Variants in TMEM45A observed in about 807,000 individuals in gnomAD.
TMEM45A encodes the protein transmembrane protein 45A, also known as DNA polymerase-transactivated protein 4.
Under a neutral mutation model 32.0 loss-of-function variants are expected in TMEM45A, and 25 were observed. The observed-to-expected ratio is 0.78, with a 90% CI of 0.57 to 1.09. TMEM45A has a LOEUF of 1.09. Ranked by LOEUF, TMEM45A falls within the 50% of genes least tolerant of loss-of-function variation. The pLI is 0.00. For missense variants in TMEM45A, 302 were observed against 325.0 expected, an observed-to-expected ratio of 0.93 and a Z score of 0.54; for synonymous variants, 122 against 114.8, an observed-to-expected ratio of 1.06 and a Z score of -0.40.
rs111304229 is a variant in TMEM45A at position 100,547,402 on chromosome 3, A to G, written c.-3-7807A>G. ...CCCAAAGTGCTGGGATTACAGGTGT[A>G]AGCCACTGCACCTGGCCTATGTACT... On this transcript the variant is annotated intron_variant, in intron 1 of 5. Transcript: ENST00000323523. 5.5e-3 allele frequency among the ~76,000 whole-genome samples: 841 copies of G among 152,232 alleles called. 9 individuals are homozygous for G. Among genetic ancestry groups the G allele is most frequent in the African/African-American group, 0.019 (808 of 41,530 alleles).
At chr3:100,576,336 A>G (rs9814929) in intron 5 of TMEM45A, among the ~76,000 whole-genome samples, 2,075 of 152,272 alleles carry the variant, frequency 0.014, 44 homozygotes, top group African/African-American at 0.048. Context: ...CTGTAATTCC[A>G]GCTACTCAGG....
At chr3:100,507,961 C>T (rs1013634883) in intron 1 of TMEM45A, among the ~76,000 whole-genome samples, 7 of 150,550 alleles carry the variant, frequency 4.6e-5, no homozygotes, top group African/African-American at 9.8e-5. Flanking sequence ...TAGATAAGCA[C>T]GATGTCAAAT....
At chr3:100,500,623 A>G (rs1418884822) in intron 1 of TMEM45A, among the ~76,000 whole-genome samples, 1 of 152,184 alleles carries the variant, frequency 6.6e-6, no homozygotes, top group Non-Finnish European at 1.5e-5. Flanking sequence ...GAAGACAACA[A>G]ATCCTTTCCC....
At chr3:100,499,663 G>T (rs1707983935) in intron 1 of TMEM45A, among the ~76,000 whole-genome samples, 1 of 152,144 alleles carries the variant, frequency 6.6e-6, no homozygotes, top group Non-Finnish European at 1.5e-5. Flanking sequence ...GATCACTTGA[G>T]GCCAGGAGTT....
At chr3:100,551,199 G>C (rs960872855) in intron 1 of TMEM45A, among the ~76,000 whole-genome samples, 2 of 151,946 alleles carry the variant, frequency 1.3e-5, no homozygotes, top group African/African-American at 4.8e-5. Flanking sequence ...ATTTTTAGTG[G>C]AGACGGGGTT....
At chr3:100,539,128 C>T (rs1028080254) in intron 1 of TMEM45A, among the ~76,000 whole-genome samples, 1 of 151,976 alleles carries the variant, frequency 6.6e-6, no homozygotes, top group Non-Finnish European at 1.5e-5. Flanking sequence ...GACAAAGGAC[C>T]CAGAATACGC....
In TMEM45A at chr3:100,546,464, G is replaced by A. The variant is rs964023182; in HGVS notation, c.-3-8745G>A. Among the ~76,000 whole-genome samples the A allele has an allele frequency of 7.2e-5, 11 of 152,306 alleles. No homozygotes were observed. The East Asian group carries it at 2.1e-3, about 29-fold the overall frequency. On this transcript the variant is annotated intron_variant, in intron 1 of 5. Transcript: ENST00000323523. ...ATTGCTCACTGAGTTGAATTGTGAA[G>A]CAACATGTACCTTGGAACTACAGAA...
At chr3:100,519,665 C>G in intron 1 of TMEM45A, 1 of 1,513,866 alleles carries the variant, frequency 6.6e-7, no homozygotes, top group Non-Finnish European at 9.0e-7. Flanking sequence ...AGAGCAAGAA[C>G]TTTTGATTCA....
At chr3:100,559,787 T>C (rs141904787) in intron 4 of TMEM45A, among the ~76,000 whole-genome samples, 3,539 of 151,806 alleles carry the variant, frequency 0.023, 58 homozygotes, top group Non-Finnish European at 0.037. Context: ...TCCTGACACA[T>C]AGCAATGACA....
intron 1 of TMEM45A, among the ~76,000 whole-genome samples, chr3:100,495,919 CTCA>C (rs1234766535): frequency 1.3e-5 from 2 of 152,216 alleles, no homozygotes; most frequent in Admixed American, 1.3e-4. Context: ...GTAGCTCTTT[CTCA>C]TCCTGCTGAT....
intron 1 of TMEM45A, among the ~76,000 whole-genome samples, chr3:100,513,085 A>T (rs576363979): frequency 0.13 from 19,292 of 146,370 alleles, 1,511 homozygotes; most frequent in Middle Eastern, 0.21. Context: ...AAACTATTCC[A>T]ATCAATAGAA....
At chr3:100,573,829 A>G (rs1432964918) in intron 5 of TMEM45A, 1 of 152,174 alleles carries the variant, frequency 6.6e-6, no homozygotes, top group Non-Finnish European at 1.5e-5. Flanking sequence ...AATTTTGTCA[A>G]AGGCCTTTTC....
At chr3:100,563,929 G>A (rs1706379297) in intron 4 of TMEM45A, among the ~76,000 whole-genome samples, 1 of 152,158 alleles carries the variant, frequency 6.6e-6, no homozygotes, top group South Asian at 2.1e-4. Flanking sequence ...AATGACTGAT[G>A]TATCTTCTTC....
intron 1 of TMEM45A, among the ~76,000 whole-genome samples, chr3:100,493,620 T>C (rs1707882007): frequency 6.6e-6 from 1 of 151,922 alleles, no homozygotes; most frequent in South Asian, 2.1e-4. Context: ...CTATATAGTA[T>C]GGTATATATA....
At chr3:100,521,287 T>C (rs1576267726) in intron 1 of TMEM45A, among the ~76,000 whole-genome samples, 1 of 151,940 alleles carries the variant, frequency 6.6e-6, no homozygotes, top group South Asian at 2.1e-4. Flanking sequence ...AGACCGAGTT[T>C]CCAGTTGCCC....
intron 1 of TMEM45A, among the ~76,000 whole-genome samples, chr3:100,512,520 G>C (rs368663668): frequency 4.6e-5 from 7 of 152,150 alleles, no homozygotes; most frequent in Admixed American, 2.0e-4. Flanking sequence ...CAAGAGAAAG[G>C]AGGAAAGATC....
intron 1 of TMEM45A, among the ~76,000 whole-genome samples, chr3:100,499,825 G>A (rs9874305): frequency 1.3e-5 from 2 of 152,174 alleles, no homozygotes; most frequent in African/African-American, 2.4e-5. Context: ...ACCGTGAGCC[G>A]AGATTGTGCC....
chr3:100,530,026 C>A (rs536523278), intron 1 of TMEM45A, among the ~76,000 whole-genome samples: 26 of 152,258 alleles, frequency 1.7e-4, no homozygotes, highest in Admixed American at 3.3e-4. Context: ...CTCTTTTTAT[C>A]CTTCCCAACT....
At chr3:100,496,459 C>T (rs1199609547) in intron 1 of TMEM45A, among the ~76,000 whole-genome samples, 2 of 152,164 alleles carry the variant, frequency 1.3e-5, no homozygotes, top group Non-Finnish European at 2.9e-5. Flanking sequence ...ACCAGTCTAA[C>T]TTTGTAGCCC....
Sources: allele counts gnomAD v4.1 joint callset (sites outside exome capture counted in the v4.1 genomes callset), GRCh38; gene constraint gnomAD v4.1.1; transcripts MANE v1.5; gene names NCBI Gene and HGNC (gene_info 2026-07-23, HGNC 2026-07-21).